The following ZNRF3 variants were observed in gnomAD, a reference collection of about 807,000 sequenced individuals.
The protein encoded by ZNRF3 is E3 ubiquitin-protein ligase ZNRF3.
Under a neutral mutation model 72.5 loss-of-function variants are expected in ZNRF3, and 23 were observed. The ratio of observed to expected loss-of-function variants is 0.32; its 90% CI spans 0.23 to 0.45. The LOEUF (loss-of-function observed/expected upper bound fraction) is 0.45, where lower values mean the gene tolerates loss of function less well. Ranked by LOEUF, ZNRF3 falls within the 20% of genes least tolerant of loss-of-function variation. The pLI is 1.00. For synonymous variants in ZNRF3, 610 were observed against 545.3 expected, an observed-to-expected ratio of 1.12 and a Z score of -1.65; for missense variants, 1,169 against 1,272.1, an observed-to-expected ratio of 0.92 and a Z score of 1.23.
intron 8 of ZNRF3, among the ~76,000 whole-genome samples, chr22:29,052,017 C>T (rs1037357492): frequency 6.6e-6 from 1 of 152,100 alleles, no homozygotes; most frequent in African/African-American, 2.4e-5. Flanking sequence ...AAATGAATTC[C>T]CAGAAAATGA....
intron 2 of ZNRF3, among the ~76,000 whole-genome samples, chr22:29,039,830 G>A (rs1276969412): frequency 1.3e-5 from 2 of 151,278 alleles, no homozygotes; most frequent in African/African-American, 2.4e-5. Context: ...ATGGTAGCAG[G>A]CACCTGCAGT....
chr22:28,918,179 T>C (rs1357127152), intron 1 of ZNRF3, among the ~76,000 whole-genome samples: 1 of 152,208 alleles, frequency 6.6e-6, no homozygotes, highest in African/African-American at 2.4e-5. Context: ...CTTGTTTGCC[T>C]TCCCCCTGCC....
chr22:28,893,262 T>C (rs6005936), intron 1 of ZNRF3, among the ~76,000 whole-genome samples: 65,041 of 152,044 alleles, frequency 0.43, 16,124 homozygotes, highest in African/African-American at 0.68. Flanking sequence ...AATTTTATTA[T>C]AACTTAATTT....
chr22:28,951,717 T>C (rs1326979246), intron 1 of ZNRF3, among the ~76,000 whole-genome samples: 2 of 152,172 alleles, frequency 1.3e-5, no homozygotes, highest in African/African-American at 2.4e-5. Context: ...CCTTGGACCT[T>C]TGTTCTACAG....
chr22:28,893,574 T>G (rs1380937223), intron 1 of ZNRF3, among the ~76,000 whole-genome samples: 2 of 151,654 alleles, frequency 1.3e-5, no homozygotes, highest in Non-Finnish European at 2.9e-5. Flanking sequence ...CTTGGCTCCC[T>G]GCAACCTCTG....
At chr22:29,046,391 T>C (rs910952745) in intron 5 of ZNRF3, among the ~76,000 whole-genome samples, 1 of 152,196 alleles carries the variant, frequency 6.6e-6, no homozygotes, top group African/African-American at 2.4e-5. Flanking sequence ...GAGGAACGCT[T>C]GGCGTAGAAC....
In ZNRF3 at chr22:28,926,389, C is replaced by T. The variant is rs191258786; in HGVS notation, c.300+42323C>T. Among the ~76,000 whole-genome samples, 453 of 151,390 alleles carry T rather than the reference C, an allele frequency of 3.0e-3. 3 individuals carry two copies. The highest frequency in any genetic ancestry group is 0.01 in the African/African-American group (423 of 41,248). On this transcript the variant is annotated intron_variant, in intron 1 of 8. Transcript: ENST00000544604. ...GAGATGGGGGGGTCTCTCTATGTTA[C>T]CTAGGCAGACCTCGAACTCCTGGGG...
intron 1 of ZNRF3, among the ~76,000 whole-genome samples, chr22:28,982,557 C>A (rs570835863): frequency 2.0e-5 from 3 of 148,534 alleles, no homozygotes; most frequent in Admixed American, 6.7e-5. Flanking sequence ...CAGAACAAGA[C>A]CCTGCCTTTA....
intron 1 of ZNRF3, among the ~76,000 whole-genome samples, chr22:28,906,563 G>A (rs763627234): frequency 2.0e-5 from 3 of 152,130 alleles, no homozygotes; most frequent in Non-Finnish European, 4.4e-5. Flanking sequence ...TAGCTTGTAC[G>A]ACCAAAAGAC....
intron 1 of ZNRF3, among the ~76,000 whole-genome samples, chr22:28,972,461 AAAT>A (rs1185938213): frequency 6.6e-6 from 1 of 152,190 alleles, no homozygotes; most frequent in African/African-American, 2.4e-5. Context: ...TTTTGTGGCC[AAAT>A]AATATTCCGT....
At chr22:28,922,474 G>A (rs527346791) in intron 1 of ZNRF3, among the ~76,000 whole-genome samples, 236 of 152,016 alleles carry the variant, frequency 1.6e-3, no homozygotes, top group Admixed American at 2.8e-3. Context: ...TCTTGGATCC[G>A]TATTCGCACT....
chr22:29,020,779 GTGTGTGTGTGTGTGTGTGT>G (rs1569284248), intron 2 of ZNRF3, among the ~76,000 whole-genome samples: 1 of 127,754 alleles, frequency 7.8e-6, no homozygotes, highest in East Asian at 2.7e-4. Flanking sequence ...GTGTGTGGGT[GTGTGTGTGTGTGTGTGTGT>G]GTGTGTGTGT....
At chr22:28,929,483 C>T (rs1166962219) in intron 1 of ZNRF3, among the ~76,000 whole-genome samples, 1 of 152,138 alleles carries the variant, frequency 6.6e-6, no homozygotes, top group Non-Finnish European at 1.5e-5. Context: ...CCAGATGTCC[C>T]CTGGTTAGGG....
At chr22:29,031,604 C>A in intron 2 of ZNRF3, 1 of 985,506 alleles carries the variant, frequency 1.0e-6, no homozygotes. Context: ...GTGAAGAACT[C>A]GAGGAGGAGG....
intron 1 of ZNRF3, among the ~76,000 whole-genome samples, chr22:28,969,714 G>A (rs1251288582): frequency 6.6e-6 from 1 of 152,170 alleles, no homozygotes; most frequent in Non-Finnish European, 1.5e-5. Context: ...TAGTAACATG[G>A]CATGACTTAT....
intron 2 of ZNRF3, chr22:29,025,018 G>T (rs1036806577): frequency 8.2e-6 from 1 of 121,604 alleles, no homozygotes; most frequent in Non-Finnish European, 1.6e-5. Flanking sequence ...ATCTCGCTCT[G>T]TCGCCCAGGC....
intron 2 of ZNRF3, among the ~76,000 whole-genome samples, chr22:29,001,472 CTTT>C (rs750297109): frequency 2.4e-5 from 3 of 124,998 alleles, no homozygotes; most frequent in Non-Finnish European, 1.7e-5. Flanking sequence ...ATTTTTTAAA[CTTT>C]TTTTTTTTTT....
chr22:28,940,965 T>C (rs2034934748), intron 1 of ZNRF3, among the ~76,000 whole-genome samples: 1 of 151,362 alleles, frequency 6.6e-6, no homozygotes. Context: ...CCTGATTCCC[T>C]TTTTTTTTCC....
At chr22:29,052,010 T>C (rs1014521902) in intron 8 of ZNRF3, among the ~76,000 whole-genome samples, 2 of 151,578 alleles carry the variant, frequency 1.3e-5, no homozygotes, top group Non-Finnish European at 2.9e-5. Flanking sequence ...TCCATGAAAA[T>C]GAATTCCCAG....
Sources: allele counts gnomAD v4.1 joint callset (sites outside exome capture counted in the v4.1 genomes callset), GRCh38; gene constraint gnomAD v4.1.1; transcripts MANE v1.5; gene names NCBI Gene and HGNC (gene_info 2026-07-23, HGNC 2026-07-21).